PTPRT: variants seen among roughly 807,000 people sequenced by gnomAD.
PTPRT encodes the protein protein tyrosine phosphatase receptor type T.
In PTPRT, 56 loss-of-function variants were observed where a neutral mutation model predicts 176.8. The observed-to-expected ratio is 0.32, with a 90% CI of 0.26 to 0.40. The LOEUF (loss-of-function observed/expected upper bound fraction) is 0.40, where lower values mean the gene tolerates loss of function less well. Ranked by LOEUF, PTPRT falls within the 10% of genes least tolerant of loss-of-function variation. PTPRT has a pLI of 1.00. For missense variants in PTPRT, 1,540 were observed against 1,908.2 expected (o/e 0.81, Z 3.60); for synonymous variants, 783 against 739.0 (o/e 1.06, Z -0.96).
chr20:42,642,059 C>T (rs543333918), intron 7 of PTPRT, among the ~76,000 whole-genome samples: 13 of 152,270 alleles, frequency 8.5e-5, no homozygotes, highest in Admixed American at 6.5e-4. Flanking sequence ...AGACTGTTTA[C>T]ACCAGCAGTG....
At chr20:42,230,795 T>A (rs2056117883) in intron 15 of PTPRT, among the ~76,000 whole-genome samples, 1 of 152,168 alleles carries the variant, frequency 6.6e-6, no homozygotes, top group Non-Finnish European at 1.5e-5. Context: ...AAAACCCACA[T>A]GATTCACATT....
chr20:42,875,329 A>T (rs1488697407), intron 2 of PTPRT, among the ~76,000 whole-genome samples: 1 of 152,224 alleles, frequency 6.6e-6, no homozygotes, highest in Non-Finnish European at 1.5e-5. Flanking sequence ...CTCCGGAATA[A>T]TTACTAAACC....
At chr20:42,788,891 C>T (rs369385234) in intron 3 of PTPRT, among the ~76,000 whole-genome samples, 15 of 152,262 alleles carry the variant, frequency 9.9e-5, no homozygotes, top group African/African-American at 3.4e-4. Context: ...AATTGTGGAG[C>T]CAAGTGGTTA....
chr20:42,161,510 T>A lies in PTPRT; in HGVS notation c.2524A>T (p.Thr842Ser). The A allele has an allele frequency of 6.2e-7, 1 of 1,612,554 alleles. No homozygotes were observed. ...DGSRGELSQP[T>S]LTIQTHPYRT... ...TAGGGATGAGTCTGGATCGTGAGGG[T>A]GGGCTGGGAAAGCTCCCCGCGGCTG... Residue 842 changes from threonine (T) to serine (S), a missense_variant, in exon 17 of 31, where the codon ACC becomes TCC. By Grantham distance (58) the Thr-to-Ser change is moderately conservative. Coordinates refer to ENST00000373187, the MANE Select transcript of PTPRT (RefSeq NM_007050.6).
chr20:43,041,852 T>C (rs984338580), intron 1 of PTPRT, among the ~76,000 whole-genome samples: 15 of 152,176 alleles, frequency 9.9e-5, no homozygotes, highest in African/African-American at 3.6e-4. Flanking sequence ...ACTGGGAAAA[T>C]TGAGTACATG....
At position 42,403,041 on chromosome 20, in the gene PTPRT, A is replaced by C. The variant is rs145209798; in HGVS notation, c.1560+45179T>G. On this transcript the variant is annotated intron_variant, in intron 9 of 30. Coordinates refer to ENST00000373187, the MANE Select transcript of PTPRT (RefSeq NM_007050.6). ...ACTTACGGTAGAGAATGTAGATAAT[A>C]CATAAAAGAAAACAAAAAGTCTTAG... Among the ~76,000 whole-genome samples, 574 of 152,334 alleles carry C rather than the reference A, an allele frequency of 3.8e-3. 4 individuals carry two copies. Among genetic ancestry groups the C allele is most frequent in the African/African-American group, 0.013 (535 of 41,580 alleles).
Position 42,102,111 on chromosome 20 carries a change from G to A in PTPRT, c.3714+13C>T, listed in dbSNP as rs78735325. The A allele has an allele frequency of 8.3e-4, 1,330 of 1,602,546 alleles. 10 individuals carry two copies. The African/African-American group carries it at 0.016, about 19-fold the overall frequency. ...AATGCCAGCTAGGAGCTTTCTGCCC[G>A]GGCTCGGCTTACATCCATCAGTGCT... On this transcript the variant is annotated intron_variant, in intron 26 of 30. Transcript: ENST00000373187.
At chr20:42,116,001 T>A (rs903154986) in intron 21 of PTPRT, 2 of 716,256 alleles carry the variant, frequency 2.8e-6, no homozygotes, top group East Asian at 5.4e-5. Flanking sequence ...GAAAAAGAGA[T>A]CATGGTTTTC....
At chr20:43,176,864 T>C (rs2015135131) in intron 1 of PTPRT, among the ~76,000 whole-genome samples, 1 of 152,116 alleles carries the variant, frequency 6.6e-6, no homozygotes. Context: ...TAGCAAAAAT[T>C]GGGATGCTTC....
intron 9 of PTPRT, among the ~76,000 whole-genome samples, chr20:42,436,561 T>C (rs563527606): frequency 6.6e-6 from 1 of 152,200 alleles, no homozygotes; most frequent in African/African-American, 2.4e-5. Context: ...TTTGAAATCA[T>C]AGGCACTCAT....
chr20:42,877,511 A>G (rs2078953077), intron 2 of PTPRT, among the ~76,000 whole-genome samples: 1 of 152,192 alleles, frequency 6.6e-6, no homozygotes, highest in African/African-American at 2.4e-5. Context: ...GTGTGATTAC[A>G]CAGAAGGGGA....
intron 12 of PTPRT, among the ~76,000 whole-genome samples, chr20:42,311,537 C>T (rs2057629344): frequency 6.6e-6 from 1 of 152,154 alleles, no homozygotes; most frequent in Non-Finnish European, 1.5e-5. Context: ...CAACAAATGC[C>T]CATTTCTGCT....
chr20:42,394,409 T>G (rs1404783223), intron 9 of PTPRT, among the ~76,000 whole-genome samples: 1 of 152,164 alleles, frequency 6.6e-6, no homozygotes, highest in Non-Finnish European at 1.5e-5. Context: ...TCTGGGAATA[T>G]TTGCTTAAGA....
intron 16 of PTPRT, among the ~76,000 whole-genome samples, chr20:42,176,596 T>C (rs1026495179): frequency 2.0e-5 from 3 of 152,186 alleles, no homozygotes; most frequent in African/African-American, 7.2e-5. Flanking sequence ...AGATGTGTGA[T>C]AGAAGGAAAA....
At chr20:43,000,413 G>T (rs1288802508) in intron 1 of PTPRT, among the ~76,000 whole-genome samples, 2 of 151,778 alleles carry the variant, frequency 1.3e-5, no homozygotes, top group African/African-American at 4.8e-5. Context: ...AAAAAGAGAA[G>T]TAAATAGATT....
chr20:43,188,784 C>T (rs2015463745), intron 1 of PTPRT, among the ~76,000 whole-genome samples: 1 of 144,036 alleles, frequency 6.9e-6, no homozygotes, highest in Non-Finnish European at 1.5e-5. Flanking sequence ...AAGCTGCCTG[C>T]GGTGGGGCTT....
At chr20:43,031,003 G>A (rs771614916) in intron 1 of PTPRT, among the ~76,000 whole-genome samples, 5 of 152,210 alleles carry the variant, frequency 3.3e-5, no homozygotes, top group Non-Finnish European at 5.9e-5. Flanking sequence ...AGAGGAAGAA[G>A]TCCAGCTGTG....
At chr20:42,044,181 A>G in the PTPRT span, among the ~76,000 whole-genome samples, 1 of 152,204 alleles carries the variant, frequency 6.6e-6, no homozygotes, top group Non-Finnish European at 1.5e-5. Flanking sequence ...TTAGCAGCCC[A>G]GATGAAGCAG....
the PTPRT span, among the ~76,000 whole-genome samples, chr20:42,035,215 G>T: frequency 6.6e-6 from 1 of 151,980 alleles, no homozygotes; most frequent in African/African-American, 2.4e-5. Context: ...TGATCATCAG[G>T]TCTCAGTCCC....
Sources: gnomAD v4.1 joint callset for allele counts (sites outside exome capture counted in the v4.1 genomes callset) on GRCh38, gnomAD v4.1.1 for gene constraint, MANE v1.5 for transcripts, NCBI Gene and HGNC (gene_info 2026-07-23, HGNC 2026-07-21) for gene names.